Variants in PUM1 observed in about 807,000 individuals in gnomAD.
PUM1 encodes pumilio homolog 1.
PUM1 carries 13 observed loss-of-function variants against 131.8 expected under a neutral mutation model. That is an observed-to-expected ratio of 0.10 (90% CI 0.06 to 0.16). The LOEUF (loss-of-function observed/expected upper bound fraction) is 0.16, where lower values mean the gene tolerates loss of function less well. PUM1 is among the 10% of genes least tolerant of loss of function. The pLI is 1.00. For missense variants in PUM1, 961 were observed against 1,512.4 expected, an observed-to-expected ratio of 0.64 and a Z score of 6.05; for synonymous variants, 509 against 556.5, an observed-to-expected ratio of 0.91 and a Z score of 1.20.
intron 14 of PUM1, among the ~76,000 whole-genome samples, chr1:30,958,519 C>A (rs189845522): frequency 2.8e-4 from 43 of 151,952 alleles, no homozygotes; most frequent in African/African-American, 8.7e-4. Flanking sequence ...GGGGATTGTG[C>A]AAAAAACTGT....
At chr1:31,000,982 C>G (rs1025510157) in intron 5 of PUM1, among the ~76,000 whole-genome samples, 2 of 151,868 alleles carry the variant, frequency 1.3e-5, no homozygotes, top group African/African-American at 4.8e-5. Context: ...GTCAGGAGAG[C>G]GAGACCATCC....
At chr1:31,004,100 C>A (rs72657300) in intron 5 of PUM1, among the ~76,000 whole-genome samples, 2 of 152,124 alleles carry the variant, frequency 1.3e-5, no homozygotes, top group Admixed American at 6.5e-5. Flanking sequence ...TCCTCTGTCA[C>A]GATTCTTTTG....
At chr1:31,010,455 T>C (rs774296382) in intron 3 of PUM1, among the ~76,000 whole-genome samples, 5 of 152,182 alleles carry the variant, frequency 3.3e-5, no homozygotes, top group Non-Finnish European at 7.3e-5. Flanking sequence ...TTCTATCTAT[T>C]GTCCTGATTG....
At chr1:31,044,218 T>G (rs1643901008) in intron 2 of PUM1, among the ~76,000 whole-genome samples, 2 of 151,872 alleles carry the variant, frequency 1.3e-5, no homozygotes, top group South Asian at 4.2e-4. Context: ...TGGCTAACAC[T>G]GTGAAACCCC....
chr1:30,962,516 T>C (rs1640457850), intron 14 of PUM1, among the ~76,000 whole-genome samples: 1 of 152,150 alleles, frequency 6.6e-6, no homozygotes, highest in Non-Finnish European at 1.5e-5. Flanking sequence ...GTTCAAGCAA[T>C]TCTCCCACCT....
chr1:31,065,106 G>C (rs773248191), intron 1 of PUM1, among the ~76,000 whole-genome samples: 6 of 152,082 alleles, frequency 3.9e-5, no homozygotes, highest in Non-Finnish European at 7.4e-5. Flanking sequence ...GTTCCCCCAC[G>C]GTGAATCTCG....
chr1:31,031,705 T>C (rs1168670042), intron 2 of PUM1, among the ~76,000 whole-genome samples: 1 of 152,238 alleles, frequency 6.6e-6, no homozygotes, highest in Non-Finnish European at 1.5e-5. Flanking sequence ...CTTCGATGAA[T>C]GTGCTCTCTT....
At chr1:30,935,457 C>A (rs557557502) in intron 21 of PUM1, among the ~76,000 whole-genome samples, 14 of 152,320 alleles carry the variant, frequency 9.2e-5, no homozygotes, top group South Asian at 8.3e-4. Context: ...ACCAATACAA[C>A]CCTGCTGAGA....
rs200827919 is a variant in PUM1, at chr1:31,059,382, G to A, written c.185C>T (p.Ser62Phe). The change falls in exon 2 of 22, where the codon TCC (serine) becomes TTC (phenylalanine). Residue 62 changes from serine (S) to phenylalanine (F), a missense_variant. Ser to Phe is a radical substitution (Grantham distance 155, BLOSUM62 -2). Coordinates refer to ENST00000426105, the MANE Select transcript of PUM1 (RefSeq NM_001020658.2). The part of the protein sequence containing the change: ...ANQALAAGTH[S>F]SPVPGSIGVA... ...TCCTATAGATCCTGGGACAGGGCTGGAGTGAGTCCCAGCTGCAAGAGCCTG... is the reference window on the plus strand; with the variant it reads ...TCCTATAGATCCTGGGACAGGGCTGAAGTGAGTCCCAGCTGCAAGAGCCTG... 2.3e-5 allele frequency: 37 copies of A among 1,614,188 alleles called. No individual in the cohort carries two copies. The highest frequency in any genetic ancestry group is 2.9e-5 in the Non-Finnish European group (34 of 1,180,038).
intron 3 of PUM1, among the ~76,000 whole-genome samples, chr1:31,026,613 A>G (rs1357680857): frequency 6.6e-6 from 1 of 152,236 alleles, no homozygotes; most frequent in Non-Finnish European, 1.5e-5. Flanking sequence ...CATTAACTTC[A>G]TTTACCCTAA....
intron 14 of PUM1, among the ~76,000 whole-genome samples, chr1:30,958,654 T>C (rs1279768102): frequency 6.6e-6 from 1 of 152,196 alleles, no homozygotes; most frequent in Non-Finnish European, 1.5e-5. Flanking sequence ...CATATCCACA[T>C]CCCTTACTTT....
At position 30,950,437 on chromosome 1, in the gene PUM1, G is replaced by A. The variant is rs1025964901; in HGVS notation, c.2722-176C>T. Among the ~76,000 whole-genome samples the A allele has an allele frequency of 4.6e-5, 7 of 152,176 alleles. No homozygotes were observed. In the East Asian group the frequency reaches 7.7e-4, roughly 17 times the overall value. The stretch of plus-strand genomic sequence containing the variant: ...TTGCTTCTTCAAGCCAGTAGTTCTC[G>A]ATCTCTTAATTATGAGTAACCCTTT... On this transcript the variant is annotated intron_variant, in intron 16 of 21. Coordinates refer to ENST00000426105, the MANE Select transcript of PUM1 (RefSeq NM_001020658.2).
At chr1:30,938,835 A>G (rs1417088258) in intron 20 of PUM1, among the ~76,000 whole-genome samples, 1 of 152,182 alleles carries the variant, frequency 6.6e-6, no homozygotes, top group African/African-American at 2.4e-5. Flanking sequence ...ACCGTACTCC[A>G]GCCTGGGCGA....
chr1:31,036,311 C>T (rs559195472), intron 2 of PUM1, among the ~76,000 whole-genome samples: 113 of 152,160 alleles, frequency 7.4e-4, no homozygotes, highest in African/African-American at 2.6e-3. Context: ...CCTCATGATC[C>T]GCCTGCCTCG....
At chr1:31,059,129 C>T in intron 2 of PUM1, 75 bp downstream of exon 2, 1 of 1,476,826 alleles carries the variant, frequency 6.8e-7, no homozygotes, top group Non-Finnish European at 9.1e-7. Flanking sequence ...TAAAGACATT[C>T]ATTGAAAGCA....
Position 30,950,616 on chromosome 1 carries a change from T to A in PUM1, c.2722-355A>T, listed in dbSNP as rs375615664. ...GGCTCACACCGGTAAACCCAGCACT[T>A]TGGGAGGCCAAGGAGGGTGGATCAC... is the stretch of plus-strand genomic sequence containing the variant. On this transcript the variant is annotated intron_variant, in intron 16 of 21. Transcript: ENST00000426105. Among the ~76,000 whole-genome samples, 10 of 152,338 alleles carry A rather than the reference T, an allele frequency of 6.6e-5. No homozygotes were observed. The East Asian group carries it at 1.2e-3, about 18-fold the overall frequency.
chr1:30,952,450 G>A (rs550067025), intron 15 of PUM1, 87 bp from the exon 16 acceptor site: 94 of 1,587,814 alleles, frequency 5.9e-5, no homozygotes, highest in Middle Eastern at 3.4e-4. Context: ...GACTGCATCC[G>A]TTCTGAAACA....
chr1:30,933,283 C>G lies in PUM1; in HGVS notation c.3495G>C (p.Lys1165Asn). The G allele has an allele frequency of 6.2e-7, 1 of 1,613,608 alleles. No homozygotes were observed. The highest frequency in any genetic ancestry group is 8.5e-7 in the Non-Finnish European group (1 of 1,179,754). ...KYTYGKHILA[K>N]LEKYYMKNGV... Reference sequence around the variant, plus strand: ...CGTTCTTCATGTAGTACTTCTCCAGCTTGGCCAGAATGTGCTTGCCATAGG... The same window carrying G: ...CGTTCTTCATGTAGTACTTCTCCAGGTTGGCCAGAATGTGCTTGCCATAGG... Residue 1165 changes from lysine to asparagine, a missense_variant, in exon 22 of 22, where the codon AAG becomes AAC. Lys to Asn is a moderately conservative substitution (Grantham distance 94, BLOSUM62 0). Around this residue, in one of 4 missense-constraint regions of PUM1, gnomAD observed 178 missense variants for 327.5 expected, o/e 0.54. Coordinates refer to ENST00000426105, the MANE Select transcript of PUM1 (RefSeq NM_001020658.2).
At chr1:30,955,001 C>T (rs148200556) in intron 14 of PUM1, among the ~76,000 whole-genome samples, 5 of 151,478 alleles carry the variant, frequency 3.3e-5, no homozygotes, top group Non-Finnish European at 5.9e-5. Context: ...CCCAGTAGGT[C>T]GAGGCTGCAG....
Sources: allele counts gnomAD v4.1 joint callset (sites outside exome capture counted in the v4.1 genomes callset), GRCh38; gene constraint gnomAD v4.1.1; regional missense constraint gnomAD v4.1.1; transcripts MANE v1.5; gene names NCBI Gene and HGNC (gene_info 2026-07-23, HGNC 2026-07-21).